LAMA2: variants seen among roughly 807,000 people sequenced by gnomAD.
LAMA2 encodes the protein laminin subunit alpha-2.
Under a neutral mutation model 364.8 loss-of-function variants are expected in LAMA2, and 269 were observed. That is an observed-to-expected ratio of 0.74 (90% CI 0.67 to 0.82). The LOEUF is 0.82. Among genes scored for constraint, LAMA2 ranks in the 40% least tolerant of loss-of-function variants. The pLI, the probability that LAMA2 is intolerant of heterozygous loss-of-function variation, is 0.00. For synonymous variants in LAMA2, 1,379 were observed against 1,370.6 expected, an observed-to-expected ratio of 1.01 and a Z score of -0.14; for missense variants, 3,807 against 3,873.2, an observed-to-expected ratio of 0.98 and a Z score of 0.45.
chr6:129,424,495 A>G (rs528481517), intron 40 of LAMA2, among the ~76,000 whole-genome samples: 1 of 152,116 alleles, frequency 6.6e-6, no homozygotes, highest in South Asian at 2.1e-4. Flanking sequence ...TAAAGGACCC[A>G]TATCCAGATT....
intron 1 of LAMA2, among the ~76,000 whole-genome samples, chr6:128,985,464 C>A (rs1486893733): frequency 6.6e-6 from 1 of 151,898 alleles, no homozygotes; most frequent in East Asian, 1.9e-4. Context: ...ATTTTTTATA[C>A]CTTTAAATCC....
rs564805421 is a variant in LAMA2 at position 129,384,731 on chromosome 6, G to A, written c.5071+1498G>A. Among the ~76,000 whole-genome samples the A allele has an allele frequency of 9.9e-5, 15 of 152,080 alleles. No individual in the cohort carries two copies. In the South Asian group the frequency reaches 1.9e-3, roughly 19 times the overall value. On this transcript the variant is annotated intron_variant, in intron 35 of 64. Transcript: ENST00000421865. ...GCTTGCTCACCACCCCAAATCCCAC[G>A]TCTATACACCAGAGAAAGGATTACC...
chr6:129,211,999 GAA>G (rs1470851959), intron 12 of LAMA2, among the ~76,000 whole-genome samples: 1 of 152,136 alleles, frequency 6.6e-6, no homozygotes. Flanking sequence ...AAAGATAAGA[GAA>G]AATACAGGTA....
chr6:128,943,265 T>TAC (rs532252413), intron 1 of LAMA2, among the ~76,000 whole-genome samples: 12,737 of 103,328 alleles, frequency 0.12, 645 homozygotes, highest in South Asian at 0.19. Flanking sequence ...TGTGTATATA[T>TAC]ACACAGAGAG....
rs189007836 is a variant in LAMA2, at chr6:129,454,597, T to G, written c.6707+309T>G. ...GCCTGAAGAAAGTACTGCCACTTAT[T>G]CTTATGCAATACAAGCCAAAGCATA... On this transcript the variant is annotated intron_variant, in intron 47 of 64. Coordinates refer to ENST00000421865, the MANE Select transcript of LAMA2 (RefSeq NM_000426.4). Among the ~76,000 whole-genome samples the G allele has an allele frequency of 1.4e-4, 21 of 152,280 alleles. No homozygotes were observed. The East Asian group carries it at 4.1e-3, about 29-fold the overall frequency.
At chr6:128,988,938 A>G (rs1783437378) in intron 1 of LAMA2, among the ~76,000 whole-genome samples, 1 of 152,176 alleles carries the variant, frequency 6.6e-6, no homozygotes, top group South Asian at 2.1e-4. Flanking sequence ...TAACTAATAC[A>G]TATTAAGTCA....
In LAMA2 at chr6:128,932,255, A is replaced by G. The variant is rs187580640; in HGVS notation, c.112+48898A>G. Among the ~76,000 whole-genome samples, 268 of 152,308 alleles carry G rather than the reference A, an allele frequency of 1.8e-3. 2 individuals are homozygous for G. The highest frequency in any genetic ancestry group is 0.01 in the Middle Eastern group (3 of 294). On this transcript the variant is annotated intron_variant, in intron 1 of 64. Transcript: ENST00000421865. ...AGTGGAGCTCTGGGTCATTGACTGC[A>G]CTTTTGCTAATAAGAAATCTTCAGT...
At chr6:129,126,793 A>G (rs1257566603) in intron 4 of LAMA2, among the ~76,000 whole-genome samples, 3 of 152,214 alleles carry the variant, frequency 2.0e-5, no homozygotes, top group African/African-American at 7.2e-5. Context: ...TTAAGATCCG[A>G]TAGGGACTGG....
chr6:129,291,832 T>C lies in LAMA2; in HGVS notation c.2856+112T>C, dbSNP rs1583429166. The C allele has an allele frequency of 1.2e-5, 9 of 766,514 alleles. No homozygotes were observed. In the East Asian group the frequency reaches 2.4e-4, roughly 21 times the overall value. The allele number at this position is 766,514 out of a possible 1,614,324, so 47.5% of individuals were successfully genotyped here. A position where few individuals can be genotyped will look rare whatever the true frequency, so the allele number is the denominator to read the frequency against. On this transcript the variant is annotated intron_variant, in intron 20 of 64. Transcript: ENST00000421865. ...ATTAAAAGGAAGGTTTGGGATTATC[T>C]AATTCTACAATTGAAATGACTGTGA...
chr6:128,902,691 G>A (rs888219257), intron 1 of LAMA2, among the ~76,000 whole-genome samples: 1 of 152,054 alleles, frequency 6.6e-6, no homozygotes, highest in Non-Finnish European at 1.5e-5. Flanking sequence ...TGTTGTTGTT[G>A]TTTTTAGAGA....
chr6:129,244,365 G>A (rs1436294271), intron 12 of LAMA2, among the ~76,000 whole-genome samples: 1 of 152,070 alleles, frequency 6.6e-6, no homozygotes, highest in African/African-American at 2.4e-5. Context: ...ACTTCTATGG[G>A]AGGGATACCT....
intron 40 of LAMA2, among the ~76,000 whole-genome samples, chr6:129,406,285 A>C (rs1474895858): frequency 6.6e-6 from 1 of 152,220 alleles, no homozygotes; most frequent in African/African-American, 2.4e-5. Context: ...AGCAGGAGAA[A>C]GCTAATACGA....
At chr6:129,047,744 C>T (rs1299323459) in intron 1 of LAMA2, among the ~76,000 whole-genome samples, 1 of 152,072 alleles carries the variant, frequency 6.6e-6, no homozygotes, top group African/African-American at 2.4e-5. Context: ...TTTTACTGTA[C>T]TATTATCTTT....
intron 4 of LAMA2, among the ~76,000 whole-genome samples, chr6:129,123,981 G>A (rs976202063): frequency 1.1e-4 from 17 of 152,186 alleles, no homozygotes; most frequent in Admixed American, 7.2e-4. Context: ...TGATGGTTTC[G>A]CTGGTGCATA....
intron 29 of LAMA2, among the ~76,000 whole-genome samples, chr6:129,330,685 TTGATGCA>T (rs1356495336): frequency 6.8e-6 from 1 of 146,430 alleles, no homozygotes; most frequent in Non-Finnish European, 1.5e-5. Flanking sequence ...AATCTCACAA[TTGATGCA>T]CACACTTTTT....
chr6:129,173,960 G>A (rs555832476), intron 9 of LAMA2, among the ~76,000 whole-genome samples: 1 of 152,042 alleles, frequency 6.6e-6, no homozygotes, highest in Non-Finnish European at 1.5e-5. Context: ...AACAGTGATA[G>A]TATATCATTT....
In LAMA2 at chr6:129,505,428, G is replaced by A. The variant is rs1431747253; in HGVS notation, c.8703+73G>A. The A allele has an allele frequency of 3.2e-6, 4 of 1,235,860 alleles. No homozygotes were observed. In the Admixed American group the frequency reaches 5.2e-5, roughly 16 times the overall value. The allele number at this position is 1,235,860 out of a possible 1,614,324, so 76.6% of individuals were successfully genotyped here. A position where few individuals can be genotyped will look rare whatever the true frequency, so the allele number is the denominator to read the frequency against. On this transcript the variant is annotated intron_variant, in intron 61 of 64. Transcript: ENST00000421865. ...TTTATTGATATATTTTGACTTATTA[G>A]GTCACATGGGCCCATGAAAACTGAT...
intron 37 of LAMA2, among the ~76,000 whole-genome samples, chr6:129,399,072 A>C (rs372256542): frequency 2.6e-5 from 4 of 152,224 alleles, no homozygotes; most frequent in African/African-American, 7.2e-5. Flanking sequence ...GTCCCTGTAC[A>C]TGTATCTGTG....
At chr6:128,977,200 C>T (rs796750319) in intron 1 of LAMA2, among the ~76,000 whole-genome samples, 2 of 150,572 alleles carry the variant, frequency 1.3e-5, no homozygotes, top group African/African-American at 4.9e-5. Flanking sequence ...TCCTTCGTTC[C>T]TCCCCCTCTC....
Sources: gnomAD v4.1 joint callset for allele counts (sites outside exome capture counted in the v4.1 genomes callset) on GRCh38, gnomAD v4.1.1 for gene constraint, MANE v1.5 for transcripts, NCBI Gene and HGNC (gene_info 2026-07-23, HGNC 2026-07-21) for gene names.